The following AGBL1 variants were observed in gnomAD, a reference collection of about 807,000 sequenced individuals.
AGBL1 encodes the protein cytosolic carboxypeptidase 4.
A neutral mutation model predicts 118.9 loss-of-function variants in AGBL1; 130 were observed. The observed-to-expected ratio is 1.09, with a 90% CI of 0.95 to 1.26. The LOEUF (loss-of-function observed/expected upper bound fraction) is 1.26, where lower values mean the gene tolerates loss of function less well. Ranked by LOEUF, AGBL1 falls within the 50% of genes most tolerant of loss-of-function variation. The pLI is 0.00. For missense variants in AGBL1, 1,584 were observed against 1,298.1 expected, an observed-to-expected ratio of 1.22 and a Z score of -3.38; for synonymous variants, 555 against 478.9, an observed-to-expected ratio of 1.16 and a Z score of -2.08.
chr15:86,521,564 C>T (rs181812118), intron 18 of AGBL1, among the ~76,000 whole-genome samples: 1 of 152,098 alleles, frequency 6.6e-6, no homozygotes, highest in South Asian at 2.1e-4. Flanking sequence ...GAGATAGATG[C>T]AATGGCCTGG....
chr15:86,565,846 C>G (rs954667987), intron 21 of AGBL1, among the ~76,000 whole-genome samples: 3 of 152,248 alleles, frequency 2.0e-5, no homozygotes, highest in African/African-American at 7.2e-5. Flanking sequence ...GCCCCTCCCC[C>G]AGCCTCGCTG....
At chr15:86,569,575 A>G (rs541793505) in intron 21 of AGBL1, among the ~76,000 whole-genome samples, 4 of 152,232 alleles carry the variant, frequency 2.6e-5, no homozygotes, top group African/African-American at 7.2e-5. Flanking sequence ...TTCTTCGGAT[A>G]TGATCTCAAA....
intron 22 of AGBL1, among the ~76,000 whole-genome samples, chr15:86,796,495 T>C (rs903948996): frequency 6.6e-6 from 1 of 152,152 alleles, no homozygotes; most frequent in Non-Finnish European, 1.5e-5. Flanking sequence ...TCTAACCAAA[T>C]GTAAGTCACA....
chr15:86,119,697 G>A (rs983351806), intron 1 of AGBL1, among the ~76,000 whole-genome samples: 12 of 151,464 alleles, frequency 7.9e-5, no homozygotes, highest in Non-Finnish European at 5.9e-5. Flanking sequence ...GTATGTATTT[G>A]CACGTTTGTC....
At chr15:86,265,632 G>A (rs2079059380) in intron 11 of AGBL1, among the ~76,000 whole-genome samples, 1 of 152,174 alleles carries the variant, frequency 6.6e-6, no homozygotes, top group Non-Finnish European at 1.5e-5. Flanking sequence ...GGTCCTGGCT[G>A]ACATATCCAA....
chr15:86,148,391 C>T (rs562752151), intron 3 of AGBL1, among the ~76,000 whole-genome samples: 61 of 152,104 alleles, frequency 4.0e-4, no homozygotes, highest in East Asian at 2.5e-3. Context: ...AAAGATTAGG[C>T]GAATGGCTAA....
chr15:86,756,991 A>C (rs6496359), intron 22 of AGBL1, among the ~76,000 whole-genome samples: 19,901 of 150,604 alleles, frequency 0.13, 1,560 homozygotes, highest in Non-Finnish European at 0.18. Flanking sequence ...CTTGTAACTA[A>C]TTACTTACCT....
At chr15:86,164,511 C>T (rs1567097727) in intron 5 of AGBL1, among the ~76,000 whole-genome samples, 1 of 152,108 alleles carries the variant, frequency 6.6e-6, no homozygotes, top group Admixed American at 6.6e-5. Context: ...CCCTTTGTGC[C>T]GTCATTCCCA....
intron 22 of AGBL1, among the ~76,000 whole-genome samples, chr15:86,730,155 A>T (rs1252637387): frequency 6.6e-6 from 1 of 152,198 alleles, no homozygotes; most frequent in Non-Finnish European, 1.5e-5. Flanking sequence ...TAAATGTAAG[A>T]TCTCGAATTA....
At chr15:86,810,449 C>T (rs1026922459) in intron 22 of AGBL1, among the ~76,000 whole-genome samples, 4 of 152,106 alleles carry the variant, frequency 2.6e-5, no homozygotes, top group African/African-American at 9.7e-5. Context: ...CAGTTTTCTT[C>T]TTGCCATTTT....
chr15:86,482,343 C>T (rs993118952), intron 18 of AGBL1, among the ~76,000 whole-genome samples: 5 of 152,226 alleles, frequency 3.3e-5, no homozygotes, highest in Middle Eastern at 3.4e-3. Flanking sequence ...TGACTCTTGC[C>T]CAGAGCATGG....
chr15:86,157,566 G>A (rs1313060297), intron 4 of AGBL1, among the ~76,000 whole-genome samples: 19 of 152,248 alleles, frequency 1.2e-4, no homozygotes, highest in African/African-American at 4.8e-5. Context: ...CTAAGCCTAC[G>A]TTGATTGTAC....
At chr15:86,352,574 C>T (rs1028918534) in intron 17 of AGBL1, among the ~76,000 whole-genome samples, 2 of 151,974 alleles carry the variant, frequency 1.3e-5, no homozygotes, top group Non-Finnish European at 1.5e-5. Flanking sequence ...CTCTGCCTCC[C>T]GGGTTAAAGC....
intron 21 of AGBL1, among the ~76,000 whole-genome samples, chr15:86,566,194 C>T (rs1245887634): frequency 6.6e-6 from 1 of 152,180 alleles, no homozygotes; most frequent in African/African-American, 2.4e-5. Context: ...GTTGGAAATG[C>T]ATACATCACC....
intron 17 of AGBL1, among the ~76,000 whole-genome samples, chr15:86,370,815 A>G (rs773718204): frequency 3.3e-5 from 5 of 152,202 alleles, no homozygotes; most frequent in Admixed American, 6.5e-5. Flanking sequence ...AGGGATCTGT[A>G]TATGCCCTGT....
intron 19 of AGBL1, among the ~76,000 whole-genome samples, chr15:86,526,538 G>GAC (rs1239736107): frequency 5.7e-5 from 3 of 52,388 alleles, no homozygotes; most frequent in African/African-American, 2.0e-4. Flanking sequence ...ATATGTTTGT[G>GAC]TCTGTGTATA....
chr15:86,460,107 C>A (rs1323119842), intron 18 of AGBL1, among the ~76,000 whole-genome samples: 2 of 151,850 alleles, frequency 1.3e-5, no homozygotes, highest in Admixed American at 6.6e-5. Context: ...ACTTGATACT[C>A]GGTTCAATTT....
chr15:86,683,129 AACTG>A (rs1403150787), intron 22 of AGBL1, among the ~76,000 whole-genome samples: 1 of 152,170 alleles, frequency 6.6e-6, no homozygotes, highest in Non-Finnish European at 1.5e-5. Context: ...CAACACAAAA[AACTG>A]ACAGATGGGG....
intron 21 of AGBL1, among the ~76,000 whole-genome samples, chr15:86,634,380 G>C (rs555432374): frequency 6.6e-6 from 1 of 152,156 alleles, no homozygotes; most frequent in Non-Finnish European, 1.5e-5. Context: ...TTGATGGAAA[G>C]GAATGAAGTA....
Sources: gnomAD v4.1 joint callset for allele counts (sites outside exome capture counted in the v4.1 genomes callset) on GRCh38, gnomAD v4.1.1 for gene constraint, MANE v1.5 for transcripts, NCBI Gene and HGNC (gene_info 2026-07-23, HGNC 2026-07-21) for gene names.